ELAVL4: variants seen among roughly 807,000 people sequenced by gnomAD.
ELAVL4 encodes ELAV-like protein 4.
Under a neutral mutation model 35.6 loss-of-function variants are expected in ELAVL4, and 1 was observed. That is an observed-to-expected ratio of 0.03 (90% CI 0.01 to 0.13). ELAVL4 has a LOEUF of 0.13. ELAVL4 is among the 10% of genes least tolerant of loss of function. The pLI is 1.00. For missense variants in ELAVL4, 267 were observed against 464.9 expected, an observed-to-expected ratio of 0.57 and a Z score of 3.91; for synonymous variants, 156 against 171.0, an observed-to-expected ratio of 0.91 and a Z score of 0.69.
intron 6 of ELAVL4, among the ~76,000 whole-genome samples, chr1:50,199,755 C>T (rs1443461533): frequency 6.6e-6 from 1 of 151,876 alleles, no homozygotes; most frequent in Non-Finnish European, 1.5e-5. Flanking sequence ...AAAAAAGTCC[C>T]TATGTAAGTT....
chr1:50,096,757 T>C (rs1255617159), intron 1 of ELAVL4, among the ~76,000 whole-genome samples: 1 of 152,186 alleles, frequency 6.6e-6, no homozygotes, highest in Non-Finnish European at 1.5e-5. Context: ...TTACATGGAT[T>C]ATCTCATCTA....
At chr1:50,152,108 C>T (rs1384871764) in intron 2 of ELAVL4, among the ~76,000 whole-genome samples, 1 of 152,126 alleles carries the variant, frequency 6.6e-6, no homozygotes, top group Non-Finnish European at 1.5e-5. Flanking sequence ...CATTATGCAT[C>T]TTCTGACACA....
chr1:50,197,513 C>T, intron 6 of ELAVL4, 46 bp downstream of exon 6: 1 of 1,488,130 alleles, frequency 6.7e-7, no homozygotes, highest in South Asian at 1.4e-5. Context: ...TTGGCACAGA[C>T]TGGGGCTAGA....
chr1:50,137,078 A>G lies in ELAVL4; in HGVS notation c.10-7879A>G, dbSNP rs375477713. On this transcript the variant is annotated intron_variant, in intron 1 of 6. Transcript: ENST00000371824. Reference sequence around the variant, plus strand: ...GGTAAAGTGGAGGGGATAGGGTAAGACAGGGTTCTAAACCTTGCTATTAAG... The same window carrying G: ...GGTAAAGTGGAGGGGATAGGGTAAGGCAGGGTTCTAAACCTTGCTATTAAG... 5.1e-4 allele frequency among the ~76,000 whole-genome samples: 78 copies of G among 152,316 alleles called. No individual in the cohort carries two copies. In the South Asian group the frequency reaches 0.015, roughly 29 times the overall value.
intron 1 of ELAVL4, among the ~76,000 whole-genome samples, chr1:50,088,314 A>G (rs1665338789): frequency 6.6e-6 from 1 of 152,220 alleles, no homozygotes; most frequent in Non-Finnish European, 1.5e-5. Context: ...GCGAATACAC[A>G]TAATACCTGA....
Position 50,093,899 on chromosome 1 carries a change from G to A in ELAVL4, c.18+45717G>A, listed in dbSNP as rs12410930. Among the ~76,000 whole-genome samples, 1,258 of 152,294 alleles carry A rather than the reference G, an allele frequency of 8.3e-3. 3 individuals are homozygous for A. Among genetic ancestry groups the A allele is most frequent in the Non-Finnish European group, 0.014 (923 of 68,024 alleles). ...TGAATGATTATAATGAGTAAATGAT[G>A]TATGTTATTTAACCTCTTTCTTAGT... On this transcript the variant is annotated intron_variant, in intron 1 of 6. Coordinates refer to the ELAVL4 transcript ENST00000448907.
intron 1 of ELAVL4, among the ~76,000 whole-genome samples, chr1:50,095,992 C>T (rs775377518): frequency 9.9e-5 from 15 of 152,038 alleles, no homozygotes; most frequent in Non-Finnish European, 1.2e-4. Flanking sequence ...AGAGCTTTCT[C>T]ACAACAGAAA....
At chr1:50,120,688 G>A (rs1049935334) in intron 1 of ELAVL4, among the ~76,000 whole-genome samples, 2 of 152,050 alleles carry the variant, frequency 1.3e-5, no homozygotes, top group Non-Finnish European at 2.9e-5. Context: ...TGGTCATAAT[G>A]TGATGTTATG....
At chr1:50,195,452 C>T in intron 4 of ELAVL4, 109 bp from the exon 5 acceptor site, 1 of 1,219,746 alleles carries the variant, frequency 8.2e-7, no homozygotes, top group Non-Finnish European at 1.2e-6. Context: ...GCCCTGGCAC[C>T]ACAGGTGGGC....
chr1:50,123,793 T>C (rs1165187809), intron 1 of ELAVL4, among the ~76,000 whole-genome samples: 1 of 152,094 alleles, frequency 6.6e-6, no homozygotes, highest in African/African-American at 2.4e-5. Context: ...TCTTTCTGCT[T>C]TCTTCACCTG....
At chr1:50,194,029 T>C in intron 4 of ELAVL4, 111 bp downstream of exon 4, 1 of 1,326,678 alleles carries the variant, frequency 7.5e-7, no homozygotes, top group South Asian at 1.7e-5. Context: ...GGATCATGAA[T>C]AGACAGATTT....
intron 1 of ELAVL4, among the ~76,000 whole-genome samples, chr1:50,137,114 G>C (rs1432699910): frequency 6.6e-6 from 1 of 152,168 alleles, no homozygotes; most frequent in Non-Finnish European, 1.5e-5. Flanking sequence ...AAGTAAAAGA[G>C]TGTTAGTCTA....
chr1:50,103,514 T>C (rs894286950), upstream of ELAVL4, among the ~76,000 whole-genome samples: 2 of 152,144 alleles, frequency 1.3e-5, no homozygotes, highest in Non-Finnish European at 2.9e-5. Context: ...CTTTTACATA[T>C]AGTATACCAT....
At chr1:50,197,560 G>T in intron 6 of ELAVL4, 93 bp downstream of exon 6, 1 of 1,174,410 alleles carries the variant, frequency 8.5e-7, no homozygotes, top group Non-Finnish European at 1.1e-6. Context: ...TACTTTAAAA[G>T]AAAAAAATTC....
At chr1:50,135,748 A>G (rs1425901573) in intron 1 of ELAVL4, among the ~76,000 whole-genome samples, 1 of 152,126 alleles carries the variant, frequency 6.6e-6, no homozygotes, top group African/African-American at 2.4e-5. Flanking sequence ...TGTTTCTTGG[A>G]TGGAATTAAA....
At chr1:50,125,103 G>C (rs1367842055) in intron 1 of ELAVL4, among the ~76,000 whole-genome samples, 1 of 151,976 alleles carries the variant, frequency 6.6e-6, no homozygotes, top group Non-Finnish European at 1.5e-5. Context: ...ACATGGCATA[G>C]TAGTGTGTGC....
intron 1 of ELAVL4, among the ~76,000 whole-genome samples, chr1:50,126,925 G>A (rs2148618441): frequency 6.6e-6 from 1 of 152,152 alleles, no homozygotes; most frequent in East Asian, 1.9e-4. Context: ...TTAGTGACAT[G>A]TTAGTATTGT....
In ELAVL4 at chr1:50,197,410, A is replaced by T; in HGVS notation, c.735-19A>T. 1 of 1,583,466 alleles carries T rather than the reference A, an allele frequency of 6.3e-7. No individual in the cohort carries two copies. Among genetic ancestry groups the T allele is most frequent in the Non-Finnish European group, 8.6e-7 (1 of 1,169,422 alleles). ...CCATCTGTGAGGCATTAACCCAGAG[A>T]CCCTCCTTCTCTTTGCAGGCTGGAC... On this transcript the variant is annotated intron_variant, in intron 5 of 6. Coordinates refer to ENST00000371824, the MANE Select transcript of ELAVL4 (RefSeq NM_001144774.3).
At chr1:50,119,252 G>T (rs543627531) in intron 1 of ELAVL4, among the ~76,000 whole-genome samples, 36 of 152,144 alleles carry the variant, frequency 2.4e-4, no homozygotes, top group Middle Eastern at 3.4e-3. Flanking sequence ...GAAGAATTTG[G>T]TTGGTTTTTA....
Sources: allele counts gnomAD v4.1 joint callset (sites outside exome capture counted in the v4.1 genomes callset), GRCh38; gene constraint gnomAD v4.1.1; transcripts MANE v1.5; gene names NCBI Gene and HGNC (gene_info 2026-07-23, HGNC 2026-07-21).